The following ARHGAP31 variants were observed in gnomAD, a reference collection of about 807,000 sequenced individuals.
ARHGAP31 encodes the protein rho GTPase-activating protein 31.
A neutral mutation model predicts 113.9 loss-of-function variants in ARHGAP31; 34 were observed. That is an observed-to-expected ratio of 0.30 (90% confidence interval 0.23 to 0.40). The LOEUF (loss-of-function observed/expected upper bound fraction) is 0.40. ARHGAP31 is among the 10% of genes least tolerant of loss of function. The pLI is 1.00. For missense variants in ARHGAP31, 1,548 were observed against 1,767.1 expected (o/e 0.88, Z 2.22); for synonymous variants, 650 against 684.8 (o/e 0.95, Z 0.79).
intron 1 of ARHGAP31, among the ~76,000 whole-genome samples, chr3:119,336,395 A>G (rs2079947699): frequency 6.6e-6 from 1 of 152,166 alleles, no homozygotes; most frequent in Non-Finnish European, 1.5e-5. Context: ...CATAGTGTAG[A>G]TCTACACTGA....
chr3:119,418,242 T>A lies in ARHGAP31; in HGVS notation c.*1978T>A, dbSNP rs886057811. 2.0e-5 allele frequency: 3 copies of A among 152,044 alleles called. No homozygotes were observed. The highest frequency in any genetic ancestry group is 2.9e-5 in the Non-Finnish European group (2 of 68,022). 9.4% of individuals were successfully genotyped at this position (152,044 alleles called of 1,614,324 possible). ...GCCTTCTCATTGGGTGAGGAAGACA[T>A]TGAACCAACAGCCAACGAGATATGA... On this transcript the variant is annotated 3_prime_UTR_variant, in exon 12 of 12. Coordinates refer to ENST00000264245, the MANE Select transcript of ARHGAP31 (RefSeq NM_020754.4).
intron 2 of ARHGAP31, among the ~76,000 whole-genome samples, chr3:119,366,424 A>G (rs1172151455): frequency 2.0e-5 from 3 of 151,608 alleles, no homozygotes; most frequent in East Asian, 1.9e-4. Flanking sequence ...AAAATAGAGC[A>G]TCTTTTTTTT....
chr3:119,382,302 T>C lies in ARHGAP31; in HGVS notation c.442T>C (p.Tyr148His). The C allele has an allele frequency of 6.2e-7, 1 of 1,614,188 alleles. No homozygotes were observed. Among genetic ancestry groups the C allele is most frequent in the Non-Finnish European group, 8.5e-7 (1 of 1,180,004 alleles). The change falls in exon 5 of 12, where the codon TAC (tyrosine) becomes CAC (histidine). Residue 148 changes from tyrosine to histidine, a missense_variant. Physicochemically the swap from Tyr to His is moderately conservative, Grantham distance 83. Transcript: ENST00000264245. ...LPPSHYRTLE[Y>H]LIRHLAHIAS... ...AACAAACCATTCTAGGACCTTGGAATACCTGATTCGACACCTGGCCCATAT... is the reference window on the plus strand; with the variant it reads ...AACAAACCATTCTAGGACCTTGGAACACCTGATTCGACACCTGGCCCATAT...
rs1461759528 is a variant in ARHGAP31 at position 119,418,875 on chromosome 3, G to A, written c.*2611G>A. 1.3e-5 allele frequency: 2 copies of A among 152,274 alleles called. No individual in the cohort carries two copies. Among genetic ancestry groups the A allele is most frequent in the African/African-American group, 4.8e-5 (2 of 41,442 alleles). 9.4% of individuals were successfully genotyped at this position (152,274 alleles called of 1,614,324 possible). A position where few individuals can be genotyped will look rare whatever the true frequency, so the allele number is the denominator to read the frequency against. Reference sequence around the variant, plus strand: ...TCAGCCAGAGTCCTGCTGCTCAAGTGTGGACCTCCACTTTGACTCTCACCC... The same window carrying A: ...TCAGCCAGAGTCCTGCTGCTCAAGTATGGACCTCCACTTTGACTCTCACCC... On this transcript the variant is annotated 3_prime_UTR_variant, in exon 12 of 12. Transcript: ENST00000264245.
Position 119,368,474 on chromosome 3 carries a change from G to C in ARHGAP31, c.306G>C (p.Leu102=), listed in dbSNP as rs766490367. The C allele has an allele frequency of 1.9e-6, 3 of 1,614,140 alleles. No homozygotes were observed. The highest frequency in any genetic ancestry group is 2.5e-6 in the Non-Finnish European group (3 of 1,180,024). ...GSLCKLYFRE[L]PNPLLTYELY... Reference sequence around the variant, plus strand: ...TTTGCAAGCTCTACTTTAGGGAGCTGCCCAACCCCCTCCTGACTTATGAGC... The same window carrying C: ...TTTGCAAGCTCTACTTTAGGGAGCTCCCCAACCCCCTCCTGACTTATGAGC... Residue 102 remains leucine (L), a synonymous_variant, in exon 3 of 12, where the codon CTG becomes CTC. Coordinates refer to ENST00000264245, the MANE Select transcript of ARHGAP31 (RefSeq NM_020754.4).
At chr3:119,341,171 A>ATCC (rs770013381) in intron 1 of ARHGAP31, among the ~76,000 whole-genome samples, 6,629 of 152,260 alleles carry the variant, frequency 0.044, 188 homozygotes, top group Middle Eastern at 0.065. Flanking sequence ...GGAGTCAAGG[A>ATCC]CAGCAGATAG....
intron 1 of ARHGAP31, among the ~76,000 whole-genome samples, chr3:119,328,743 C>G (rs1466311939): frequency 6.6e-6 from 1 of 152,032 alleles, no homozygotes; most frequent in African/African-American, 2.4e-5. Context: ...TGAGTTCAAG[C>G]GATTCTCCTG....
chr3:119,402,398 G>GT lies in ARHGAP31; in HGVS notation c.1645+2dup. 2 of 1,612,464 alleles carry GT rather than the reference G, an allele frequency of 1.2e-6. No individual in the cohort carries two copies. The highest frequency in any genetic ancestry group is 2.7e-5 in the African/African-American group (2 of 75,050). ...CCGCTGGGAGCTGAGACTTCTGCAG[G>GT]TAAGTAGAGGAGAGAGGGTATCTTT... On this transcript the variant is annotated splice_donor_variant, in intron 10 of 11. Coordinates refer to ENST00000264245, the MANE Select transcript of ARHGAP31 (RefSeq NM_020754.4). LOFTEE classifies it high-confidence loss of function.
Position 119,390,909 on chromosome 3 carries a change from G to T in ARHGAP31, c.807G>T (p.Arg269Ser), listed in dbSNP as rs1201385098. ...ACCATCCTGCTCGCAAGGAAAGGAG[G>T]GAGAACAGCCTGCCTGAGATTGTCC... ...ATNHPARKER[R>S]ENSLPEIVPP... Residue 269 changes from arginine to serine, a missense_variant, in exon 7 of 12, where the codon AGG becomes AGT. Arg to Ser is a moderately radical substitution (Grantham distance 110). Coordinates refer to ENST00000264245, the MANE Select transcript of ARHGAP31 (RefSeq NM_020754.4). 1.9e-6 allele frequency: 3 copies of T among 1,614,060 alleles called. No homozygotes were observed. The East Asian group carries it at 6.7e-5, about 36-fold the overall frequency.
intron 2 of ARHGAP31, among the ~76,000 whole-genome samples, chr3:119,368,016 C>T (rs2080264854): frequency 6.6e-6 from 1 of 152,146 alleles, no homozygotes; most frequent in Non-Finnish European, 1.5e-5. Flanking sequence ...AAGGGAAATT[C>T]ATTTTGAACA....
intron 1 of ARHGAP31, among the ~76,000 whole-genome samples, chr3:119,361,028 G>A (rs2080202046): frequency 6.6e-6 from 1 of 152,168 alleles, no homozygotes. Context: ...TAACTACTCA[G>A]CTATTTTGAT....
At chr3:119,355,279 G>A (rs1250030260) in intron 1 of ARHGAP31, among the ~76,000 whole-genome samples, 1 of 152,062 alleles carries the variant, frequency 6.6e-6, no homozygotes, top group Non-Finnish European at 1.5e-5. Flanking sequence ...TCTGTTTCAT[G>A]GGTTGTCTAC....
chr3:119,364,309 A>G (rs1190907301), intron 1 of ARHGAP31, among the ~76,000 whole-genome samples: 2 of 152,084 alleles, frequency 1.3e-5, no homozygotes, highest in Non-Finnish European at 2.9e-5. Context: ...CACCTTCGAC[A>G]TTCTGGCAGA....
chr3:119,321,741 C>G (rs999501674), intron 1 of ARHGAP31, among the ~76,000 whole-genome samples: 1 of 152,156 alleles, frequency 6.6e-6, no homozygotes, highest in African/African-American at 2.4e-5. Context: ...CTCTACCTCT[C>G]GGGCTCAAGT....
At chr3:119,308,793 C>T (rs2079653071) in intron 1 of ARHGAP31, among the ~76,000 whole-genome samples, 1 of 152,188 alleles carries the variant, frequency 6.6e-6, no homozygotes, top group Non-Finnish European at 1.5e-5. Flanking sequence ...TACCTGATGA[C>T]CTCTGAAGTC....
At chr3:119,413,505 G>T (rs2107646425) in intron 11 of ARHGAP31, among the ~76,000 whole-genome samples, 1 of 152,224 alleles carries the variant, frequency 6.6e-6, no homozygotes. Flanking sequence ...TACAGATTAG[G>T]TACTTACGTT....
chr3:119,314,131 C>T (rs1338836415), intron 1 of ARHGAP31, among the ~76,000 whole-genome samples: 3 of 152,326 alleles, frequency 2.0e-5, no homozygotes, highest in South Asian at 4.1e-4. Context: ...CGCAGTTCCT[C>T]AAAAGTGCCA....
At chr3:119,324,295 C>A (rs1019578914) in intron 1 of ARHGAP31, among the ~76,000 whole-genome samples, 2 of 152,160 alleles carry the variant, frequency 1.3e-5, no homozygotes, top group Admixed American at 1.3e-4. Context: ...AAATGTAGGG[C>A]CATCTATGTA....
intron 10 of ARHGAP31, among the ~76,000 whole-genome samples, chr3:119,407,451 T>C (rs889302348): frequency 2.6e-5 from 4 of 152,114 alleles, no homozygotes; most frequent in Admixed American, 2.6e-4. Flanking sequence ...CAAGATATGT[T>C]AAGTGAGAAA....
Sources: gnomAD v4.1 joint callset for allele counts (sites outside exome capture counted in the v4.1 genomes callset) on GRCh38, gnomAD v4.1.1 for gene constraint, MANE v1.5 for transcripts, NCBI Gene and HGNC (gene_info 2026-07-23, HGNC 2026-07-21) for gene names.